The following CFAP46 variants were observed in gnomAD, a reference collection of about 807,000 sequenced individuals.
The protein encoded by CFAP46 is cilia and flagella associated protein 46.
Under a neutral mutation model 325.7 loss-of-function variants are expected in CFAP46, and 245 were observed. The observed-to-expected ratio is 0.75, with a 90% confidence interval of 0.68 to 0.84. The LOEUF is 0.84. Ranked by LOEUF, CFAP46 falls within the 40% of genes least tolerant of loss-of-function variation. The pLI is 0.00. For missense variants in CFAP46, 3,346 were observed against 3,543.0 expected (o/e 0.94, Z 1.41); for synonymous variants, 1,523 against 1,495.9 (o/e 1.02, Z -0.42).
chr10:132,870,986 AG>A (rs1591065027), intron 32 of CFAP46, among the ~76,000 whole-genome samples: 1 of 152,358 alleles, frequency 6.6e-6, no homozygotes, highest in East Asian at 1.9e-4. Flanking sequence ...CTCTCTTGCT[AG>A]GGGCTAACGC....
intron 11 of CFAP46, among the ~76,000 whole-genome samples, chr10:132,924,206 C>A (rs1034411412): frequency 6.6e-6 from 1 of 151,762 alleles, no homozygotes; most frequent in Non-Finnish European, 1.5e-5. Flanking sequence ...ATGCCTGCCG[C>A]CTGCCTGCCA....
intron 56 of CFAP46, 116 bp downstream of exon 56, chr10:132,810,834 T>G: frequency 1.1e-6 from 1 of 933,336 alleles, no homozygotes; most frequent in Non-Finnish European, 1.7e-6. Flanking sequence ...CCCTGACAGC[T>G]CTCACCGTTC....
chr10:132,931,752 C>CAG (rs1849909435), intron 8 of CFAP46, among the ~76,000 whole-genome samples: 1 of 138,726 alleles, frequency 7.2e-6, no homozygotes, highest in Non-Finnish European at 1.5e-5. Context: ...ACTCCCCACG[C>CAG]AGAGCCTGGG....
intron 50 of CFAP46, among the ~76,000 whole-genome samples, chr10:132,818,046 T>C (rs1367214636): frequency 1.3e-5 from 2 of 152,114 alleles, no homozygotes; most frequent in East Asian, 1.9e-4. Flanking sequence ...GTCTCAAGTC[T>C]GGAATCGCAT....
chr10:132,896,312 A>G (rs11146574), intron 24 of CFAP46, among the ~76,000 whole-genome samples: 5,220 of 142,658 alleles, frequency 0.037, 390 homozygotes, highest in African/African-American at 0.14. Flanking sequence ...ATGAAGACAC[A>G]GTGAGAAGGC....
Position 132,869,046 on chromosome 10 carries a change from C to G in CFAP46, c.4610+228G>C, listed in dbSNP as rs1848858119. On this transcript the variant is annotated intron_variant, in intron 33 of 57. Transcript: ENST00000368586. This position sits in a 1 kb window ranked among gnomAD's most constrained non-coding sequence, Gnocchi z 6.2. ...CCTCCGGGGAGGGGCTCGGGCCACC[C>G]TGGAGAGCCCCCCTCACCGCCCCTC... Among the ~76,000 whole-genome samples, 1 of 152,220 alleles carries G rather than the reference C, an allele frequency of 6.6e-6. No individual in the cohort carries two copies. The highest frequency in any genetic ancestry group is 6.5e-5 in the Admixed American group (1 of 15,286).
intron 41 of CFAP46, among the ~76,000 whole-genome samples, chr10:132,848,806 G>A (rs1848486101): frequency 6.6e-6 from 1 of 152,094 alleles, no homozygotes; most frequent in African/African-American, 2.4e-5. Flanking sequence ...TTCTCCCTGT[G>A]TCCACGCGCC....
rs149266954 is a variant in CFAP46 at position 132,887,220 on chromosome 10, TTC to T, written c.3305-1263_3305-1262del. Among the ~76,000 whole-genome samples, 43 of 65,316 alleles carry T rather than the reference TTC, an allele frequency of 6.6e-4. 1 individual carries two copies. The highest frequency in any genetic ancestry group is 2.2e-3 in the South Asian group (4 of 1,836). The allele number at this position is 65,316 out of a possible 152,430, so 42.8% of individuals were successfully genotyped here. Reference sequence around the variant, plus strand: ...CTCTCCTCTTCTTTCCTCTCCCCTCTTCTCTCTCTCCTCTCCCCTCTTCTCTC... The same window carrying T: ...CTCTCCTCTTCTTTCCTCTCCCCTCTTCTCTCTCCTCTCCCCTCTTCTCTC... On this transcript the variant is annotated intron_variant, in intron 25 of 57. Transcript: ENST00000368586.
intron 32 of CFAP46, chr10:132,872,399 G>A (rs1459166997): frequency 5.0e-6 from 2 of 403,462 alleles, no homozygotes; most frequent in Non-Finnish European, 9.3e-6. Flanking sequence ...GACAACAGGT[G>A]TGTGTCACCA....
chr10:132,877,100 G>T lies in CFAP46; in HGVS notation c.4213-139C>A. The T allele has an allele frequency of 2.6e-6, 2 of 782,274 alleles. No homozygotes were observed. The highest frequency in any genetic ancestry group is 4.1e-6 in the Non-Finnish European group (2 of 492,238). The allele number at this position is 782,274 out of a possible 1,614,324, so 48.5% of individuals were successfully genotyped here. ...ATCCTCCCCACCACCAGGTCCCAGC[G>T]AGTGCCCAGATCCAGCCTCTGATAC... On this transcript the variant is annotated intron_variant, in intron 30 of 57. Coordinates refer to ENST00000368586, the MANE Select transcript of CFAP46 (RefSeq NM_001200049.3). The surrounding 1 kb of genome is among the most constrained non-coding windows in gnomAD (Gnocchi z 5.7).
intron 50 of CFAP46, 128 bp downstream of exon 50, chr10:132,833,230 T>C (rs1264483157): frequency 1.1e-6 from 1 of 934,176 alleles, no homozygotes; most frequent in East Asian, 2.6e-5. Context: ...AATGAATAAA[T>C]GCCTAGAAAA....
chr10:132,936,260 A>AG (rs1436842791), intron 7 of CFAP46, among the ~76,000 whole-genome samples: 1 of 75,142 alleles, frequency 1.3e-5, no homozygotes, highest in Non-Finnish European at 2.5e-5. Context: ...CACTCCCCTC[A>AG]CATCCAAACA....
At chr10:132,854,970 C>T (rs1439809811) in intron 39 of CFAP46, among the ~76,000 whole-genome samples, 1 of 152,192 alleles carries the variant, frequency 6.6e-6, no homozygotes, top group Non-Finnish European at 1.5e-5. Flanking sequence ...GAAACATATT[C>T]ATGTGCACAC....
chr10:132,915,585 G>T (rs912338237), intron 17 of CFAP46, among the ~76,000 whole-genome samples: 3 of 151,392 alleles, frequency 2.0e-5, no homozygotes, highest in Non-Finnish European at 4.4e-5. Context: ...CCGAGGGACC[G>T]GTGAGGGCGG....
rs796517676 is a variant in CFAP46 at position 132,822,704 on chromosome 10, A to T, written c.7118-7790T>A. Among the ~76,000 whole-genome samples, 594 of 67,108 alleles carry T rather than the reference A, an allele frequency of 8.9e-3. 2 individuals carry two copies. The highest frequency in any genetic ancestry group is 0.033 in the African/African-American group (537 of 16,224). 44.0% of individuals were successfully genotyped at this position (67,108 alleles called of 152,430 possible). A position where few individuals can be genotyped will look rare whatever the true frequency, so the allele number is the denominator to read the frequency against. On this transcript the variant is annotated intron_variant, in intron 50 of 57. Transcript: ENST00000368586. ...TGTGTGTGCTGATGTGTGCTGTGTG[A>T]GTGCTGATGTGTGCTGATGTGTGCT...
rs886604424 is a variant in CFAP46, at chr10:132,857,284, G to A, written c.5574+306C>T. Among the ~76,000 whole-genome samples the A allele has an allele frequency of 1.1e-4, 16 of 152,280 alleles. No individual in the cohort carries two copies. In the South Asian group the frequency reaches 3.3e-3, roughly 32 times the overall value. On this transcript the variant is annotated intron_variant, in intron 39 of 57. Coordinates refer to ENST00000368586, the MANE Select transcript of CFAP46 (RefSeq NM_001200049.3). ...TCTGTCCCATGAGTGGCAGTGCCTG[G>A]CTCTCCCCAGGCTCTCGGCTCCATC...
chr10:132,942,505 C>A lies in CFAP46; in HGVS notation c.-21G>T. The A allele has an allele frequency of 7.9e-7, 1 of 1,270,698 alleles. No homozygotes were observed. Among genetic ancestry groups the A allele is most frequent in the South Asian group, 3.0e-5 (1 of 33,284 alleles). 78.7% of individuals were successfully genotyped at this position (1,270,698 alleles called of 1,614,324 possible). Reference sequence around the variant, plus strand: ...TCCATGGCGCCGGCGCCCTGCTCGTCCGCTCTCTCCGGGGTCCGCGGTGCG... The same window carrying A: ...TCCATGGCGCCGGCGCCCTGCTCGTACGCTCTCTCCGGGGTCCGCGGTGCG... On this transcript the variant is annotated 5_prime_UTR_variant, in exon 1 of 58. Coordinates refer to ENST00000368586, the MANE Select transcript of CFAP46 (RefSeq NM_001200049.3).
Position 132,865,256 on chromosome 10 carries a change from C to T in CFAP46, c.4890+769G>A, listed in dbSNP as rs116086426. Among the ~76,000 whole-genome samples, 638 of 152,308 alleles carry T rather than the reference C, an allele frequency of 4.2e-3. 6 individuals are homozygous for T. The highest frequency in any genetic ancestry group is 0.015 in the African/African-American group (623 of 41,568). The stretch of plus-strand genomic sequence containing the variant: ...TACACTCTGCACAGAGAAAAGCACC[C>T]GTGGGCCTCCATCCATCTGGCTTTT... On this transcript the variant is annotated intron_variant, in intron 35 of 57. Transcript: ENST00000368586.
chr10:132,912,407 T>C (rs1168107098), intron 19 of CFAP46, among the ~76,000 whole-genome samples: 3 of 123,714 alleles, frequency 2.4e-5, no homozygotes, highest in South Asian at 3.0e-4. Context: ...CTCTCCTCTC[T>C]CTGCTCATCT....
Sources: allele counts gnomAD v4.1 joint callset (sites outside exome capture counted in the v4.1 genomes callset), GRCh38; gene constraint gnomAD v4.1.1; non-coding constraint Gnocchi (gnomAD v3.1); transcripts MANE v1.5; gene names NCBI Gene and HGNC (gene_info 2026-07-23, HGNC 2026-07-21).